The following TAS2R1 variants were observed in gnomAD, a reference collection of about 807,000 sequenced individuals.
TAS2R1 encodes the protein taste 2 receptor member 1, also known as taste receptor type 2 member 1.
For missense variants in TAS2R1, 370 were observed against 353.4 expected, an observed-to-expected ratio of 1.05 and a Z score of -0.38; for synonymous variants, 141 against 134.2, an observed-to-expected ratio of 1.05 and a Z score of -0.35.
the TAS2R1 span, among the ~76,000 whole-genome samples, chr5:9,774,097 G>T: frequency 6.6e-6 from 1 of 152,124 alleles, no homozygotes; most frequent in African/African-American, 2.4e-5. Context: ...CAGGCATGCT[G>T]CATTCTTTCT....
chr5:9,728,814 A>G, the TAS2R1 span, among the ~76,000 whole-genome samples: 1 of 152,186 alleles, frequency 6.6e-6, no homozygotes, highest in Non-Finnish European at 1.5e-5. Context: ...TTCTTGGAGG[A>G]AACCAGTGGC....
intron 1 of TAS2R1, among the ~76,000 whole-genome samples, chr5:9,661,748 AT>A (rs1367032736): frequency 1.3e-5 from 2 of 152,226 alleles, no homozygotes; most frequent in African/African-American, 4.8e-5. Flanking sequence ...ATAAGAACTA[AT>A]TTGATGTATA....
At chr5:9,650,006 A>C (rs1037308705) in intron 2 of TAS2R1, among the ~76,000 whole-genome samples, 7 of 152,220 alleles carry the variant, frequency 4.6e-5, no homozygotes, top group Non-Finnish European at 1.0e-4. Flanking sequence ...AGTTTACAGC[A>C]CAAAGGGAGA....
At chr5:9,762,195 G>A in the TAS2R1 span, among the ~76,000 whole-genome samples, 26 of 152,138 alleles carry the variant, frequency 1.7e-4, no homozygotes, top group Non-Finnish European at 1.5e-5. Flanking sequence ...GCCGCTAAGG[G>A]TAGGTCATTA....
chr5:9,780,060 C>T, the TAS2R1 span, among the ~76,000 whole-genome samples: 17 of 152,310 alleles, frequency 1.1e-4, no homozygotes, highest in East Asian at 9.6e-4. Flanking sequence ...TTGTCCAGCA[C>T]GGCCCCTTTT....
At position 9,660,479 on chromosome 5, in the gene TAS2R1, G is replaced by C. The variant is rs1740513736; in HGVS notation, c.-241-898C>G. On this transcript the variant is annotated intron_variant, in intron 1 of 2. Transcript: ENST00000506620. Reference sequence around the variant, plus strand: ...ACTAAGGTGCCCAGGTTTCTTAATTGGTTTGTTCTTTGAGCTAATACCTAA... The same window carrying C: ...ACTAAGGTGCCCAGGTTTCTTAATTCGTTTGTTCTTTGAGCTAATACCTAA... Among the ~76,000 whole-genome samples the C allele has an allele frequency of 2.6e-5, 4 of 151,942 alleles. No homozygotes were observed. The South Asian group carries it at 6.2e-4, about 24-fold the overall frequency.
chr5:9,653,225 C>T (rs557989300), intron 2 of TAS2R1, among the ~76,000 whole-genome samples: 21 of 152,170 alleles, frequency 1.4e-4, no homozygotes, highest in African/African-American at 5.1e-4. Flanking sequence ...AATGTCCTTC[C>T]TTTTTATCAC....
At chr5:9,658,103 C>T (rs533818673) in intron 2 of TAS2R1, among the ~76,000 whole-genome samples, 107 of 152,248 alleles carry the variant, frequency 7.0e-4, no homozygotes, top group Admixed American at 2.1e-3. Flanking sequence ...AAGACAGATA[C>T]TTCTATATTC....
intron 1 of TAS2R1, among the ~76,000 whole-genome samples, chr5:9,686,773 A>C (rs546112780): frequency 6.6e-6 from 1 of 152,304 alleles, no homozygotes; most frequent in Admixed American, 6.5e-5. Flanking sequence ...AAAAAACTTA[A>C]TATAGGGAAA....
chr5:9,685,005 T>C (rs1290204664), intron 1 of TAS2R1, among the ~76,000 whole-genome samples: 1 of 152,150 alleles, frequency 6.6e-6, no homozygotes, highest in East Asian at 1.9e-4. Context: ...ACAGGAGGTA[T>C]GCATGGTTCA....
the TAS2R1 span, among the ~76,000 whole-genome samples, chr5:9,797,487 G>A: frequency 6.6e-6 from 1 of 152,142 alleles, no homozygotes; most frequent in African/African-American, 2.4e-5. Context: ...TGTTTTAGCA[G>A]GAGACAGAAG....
chr5:9,629,860 A>G lies in TAS2R1; in HGVS notation c.173T>C (p.Leu58Pro), dbSNP rs768417660. The change falls in exon 1 of 1, where the codon CTG becomes CCG. Residue 58 changes from leucine (L) to proline (P), a missense_variant. Leu to Pro is a moderately conservative substitution (Grantham distance 98). Coordinates refer to ENST00000382492, the MANE Select transcript of TAS2R1 (RefSeq NM_019599.3). ...LSCLAVSRIF[L>P]QLFIFYVNVI... is the part of the protein sequence containing the mutation. ...ATTAACGTAGAAGATGAACAACTGC[A>G]GAAAAATTCTAGAAACTGCCAGACA... The G allele has an allele frequency of 1.2e-6, 2 of 1,613,652 alleles. No individual in the cohort carries two copies. The highest frequency in any genetic ancestry group is 1.7e-6 in the Non-Finnish European group (2 of 1,179,940).
chr5:9,817,708 T>G, the TAS2R1 span, among the ~76,000 whole-genome samples: 4 of 152,198 alleles, frequency 2.6e-5, no homozygotes, highest in Non-Finnish European at 5.9e-5. Flanking sequence ...GAATTTGTTT[T>G]CACACTACTG....
chr5:9,636,982 C>T (rs1367361288), intron 2 of TAS2R1, among the ~76,000 whole-genome samples: 2 of 26,784 alleles, frequency 7.5e-5, no homozygotes, highest in Non-Finnish European at 1.4e-4. Flanking sequence ...GCCTTAATAC[C>T]TTGTTTTTTT....
At chr5:9,761,584 T>G in the TAS2R1 span, among the ~76,000 whole-genome samples, 1 of 152,246 alleles carries the variant, frequency 6.6e-6, no homozygotes, top group Non-Finnish European at 1.5e-5. Context: ...TTCTTACTTA[T>G]GTGTTCCATT....
rs552847586 is a variant in TAS2R1 at position 9,697,097 on chromosome 5, A to C, written c.-242+15075T>G. Among the ~76,000 whole-genome samples the C allele has an allele frequency of 1.5e-4, 23 of 152,258 alleles. No individual in the cohort carries two copies. The South Asian group carries it at 4.2e-3, about 28-fold the overall frequency. ...GAGGAGAAGGAGAAAGGAAAGAAGG[A>C]AGAGAAGGAGAGAAAGAAATAACAC... is the stretch of plus-strand genomic sequence containing the variant. On this transcript the variant is annotated intron_variant, in intron 1 of 2. Transcript: ENST00000506620.
chr5:9,761,405 C>G, the TAS2R1 span, among the ~76,000 whole-genome samples: 1 of 145,810 alleles, frequency 6.9e-6, no homozygotes, highest in African/African-American at 2.6e-5. Flanking sequence ...GGTTATACTT[C>G]AAGTCCCAGA....
chr5:9,826,099 A>G, the TAS2R1 span, among the ~76,000 whole-genome samples: 1 of 151,718 alleles, frequency 6.6e-6, no homozygotes, highest in Admixed American at 6.6e-5. Flanking sequence ...TACATTTAAC[A>G]TTTACATTAC....
chr5:9,713,066 C>T (rs1254543377), upstream of TAS2R1: 1 of 152,096 alleles, frequency 6.6e-6, no homozygotes, highest in East Asian at 2.0e-4. Flanking sequence ...CAACTGTCAC[C>T]TTGCCCAGGA....
Sources: gnomAD v4.1 joint callset for allele counts (sites outside exome capture counted in the v4.1 genomes callset) on GRCh38, gnomAD v4.1.1 for gene constraint, MANE v1.5 for transcripts, NCBI Gene and HGNC (gene_info 2026-07-23, HGNC 2026-07-21) for gene names.